The following CLMP variants were observed in gnomAD, a reference collection of about 807,000 sequenced individuals.
CLMP encodes CXADR-like membrane protein.
In CLMP, 27 loss-of-function variants were observed where a neutral mutation model predicts 45.2. That is an observed-to-expected ratio of 0.60 (90% CI 0.44 to 0.82). CLMP has a LOEUF of 0.82. Among genes scored for constraint, CLMP ranks in the 40% least tolerant of loss-of-function variants. The pLI is 0.00. For synonymous variants in CLMP, 167 were observed against 171.4 expected, an observed-to-expected ratio of 0.97 and a Z score of 0.20; for missense variants, 403 against 448.4, an observed-to-expected ratio of 0.90 and a Z score of 0.91.
intron 2 of CLMP, among the ~76,000 whole-genome samples, chr11:123,089,876 G>A (rs997110724): frequency 6.6e-6 from 1 of 151,740 alleles, no homozygotes; most frequent in Non-Finnish European, 1.5e-5. Flanking sequence ...AAGGCGGGCA[G>A]ATCACCCGAG....
chr11:123,107,217 T>G (rs945689523), intron 1 of CLMP, among the ~76,000 whole-genome samples: 1 of 149,642 alleles, frequency 6.7e-6, no homozygotes, highest in African/African-American at 2.5e-5. Context: ...TTCACCACCA[T>G]GCCTGGCTAA....
At chr11:123,081,022 TGTA>T (rs1865797997) in intron 5 of CLMP, among the ~76,000 whole-genome samples, 1 of 151,914 alleles carries the variant, frequency 6.6e-6, no homozygotes, top group Non-Finnish European at 1.5e-5. Context: ...GGCACACACC[TGTA>T]GTCCCAGCTA....
At chr11:123,083,427 T>C (rs1356820634) in intron 4 of CLMP, among the ~76,000 whole-genome samples, 1 of 152,210 alleles carries the variant, frequency 6.6e-6, no homozygotes, top group Admixed American at 6.5e-5. Flanking sequence ...ATTTAAGGGA[T>C]ACTAAACATA....
At chr11:123,189,091 T>C (rs1218962739) in intron 1 of CLMP, among the ~76,000 whole-genome samples, 1 of 152,220 alleles carries the variant, frequency 6.6e-6, no homozygotes, top group Non-Finnish European at 1.5e-5. Context: ...CCATACATGA[T>C]GTGTGTAGAA....
At position 123,150,520 on chromosome 11, in the gene CLMP, G is replaced by GC. The variant is rs879753741; in HGVS notation, c.28+44392_28+44393insG. Among the ~76,000 whole-genome samples the GC allele has an allele frequency of 1.3e-3, 162 of 128,690 alleles. 1 individual carries two copies. The highest frequency in any genetic ancestry group is 7.9e-3 in the South Asian group (26 of 3,276). The allele number at this position is 128,690 out of a possible 152,430, so 84.4% of individuals were successfully genotyped here. On this transcript the variant is annotated intron_variant, in intron 1 of 6. Transcript: ENST00000448775. Reference sequence around the variant, plus strand: ...GGAAGGAAGGAAGGAAGGAAGGAAGGAAGGAAGGAAAGAAACAAGCAAGGA... The same window carrying GC: ...GGAAGGAAGGAAGGAAGGAAGGAAGGCAAGGAAGGAAAGAAACAAGCAAGGA...
intron 1 of CLMP, among the ~76,000 whole-genome samples, chr11:123,115,233 A>G (rs1330088629): frequency 6.6e-6 from 1 of 151,520 alleles, no homozygotes; most frequent in East Asian, 1.9e-4. Context: ...TTTTTGGTAG[A>G]GACAAGGTCT....
intron 1 of CLMP, among the ~76,000 whole-genome samples, chr11:123,150,484 G>GAAAGAAA (rs1565397469): frequency 2.6e-3 from 85 of 33,124 alleles, no homozygotes; most frequent in Middle Eastern, 0.019. Flanking sequence ...AGAAAGAAAG[G>GAAAGAAA]AAGGAAGGAA....
At chr11:123,116,667 T>G (rs958355526) in intron 1 of CLMP, among the ~76,000 whole-genome samples, 1 of 152,222 alleles carries the variant, frequency 6.6e-6, no homozygotes, top group Non-Finnish European at 1.5e-5. Flanking sequence ...GAATTAAAAA[T>G]GCTTTCACAA....
chr11:123,150,343 G>C (rs559875622), intron 1 of CLMP, among the ~76,000 whole-genome samples: 1 of 149,954 alleles, frequency 6.7e-6, no homozygotes, highest in Admixed American at 6.8e-5. Context: ...TCCATGGTCA[G>C]AAAGGTGTGG....
rs112538727 is a variant in CLMP, at chr11:123,194,011, C to T, written c.28+902G>A. Among the ~76,000 whole-genome samples, 272 of 152,218 alleles carry T rather than the reference C, an allele frequency of 1.8e-3. 2 individuals carry two copies. Among genetic ancestry groups the T allele is most frequent in the African/African-American group, 5.1e-3 (212 of 41,528 alleles). ...TGCTTCAGGGTGCATAGTGACGTGC[C>T]CTTGGCTCTCCCTGACTGCCTTTCC... On this transcript the variant is annotated intron_variant, in intron 1 of 6. Transcript: ENST00000448775.
chr11:123,118,955 T>C (rs1401523389), intron 1 of CLMP, among the ~76,000 whole-genome samples: 7 of 32,704 alleles, frequency 2.1e-4, no homozygotes, highest in Admixed American at 8.6e-4. Context: ...CTTTCTTTCT[T>C]TCTTTCTTTC....
chr11:123,117,655 A>T (rs894867636), intron 1 of CLMP, among the ~76,000 whole-genome samples: 1 of 151,822 alleles, frequency 6.6e-6, no homozygotes, highest in Non-Finnish European at 1.5e-5. Context: ...TCGAACTCCT[A>T]ACCTCAGGTG....
chr11:123,161,037 C>A (rs1004105765), intron 1 of CLMP, among the ~76,000 whole-genome samples: 1 of 151,256 alleles, frequency 6.6e-6, no homozygotes, highest in African/African-American at 2.4e-5. Context: ...TTGAAACAGG[C>A]AGCATTAGAT....
intron 2 of CLMP, among the ~76,000 whole-genome samples, chr11:123,085,893 C>T (rs76561142): frequency 0.14 from 21,788 of 151,324 alleles, 1,606 homozygotes; most frequent in African/African-American, 0.16. Flanking sequence ...TCTTCTGCCT[C>T]AGTCTCCTGA....
At chr11:123,095,696 G>A (rs1337123464) in intron 2 of CLMP, among the ~76,000 whole-genome samples, 1 of 152,158 alleles carries the variant, frequency 6.6e-6, no homozygotes, top group Non-Finnish European at 1.5e-5. Flanking sequence ...TACAACCAAG[G>A]AGCAGGGTGA....
chr11:123,120,156 C>G (rs1236168546), intron 1 of CLMP, among the ~76,000 whole-genome samples: 3 of 152,118 alleles, frequency 2.0e-5, no homozygotes, highest in Non-Finnish European at 4.4e-5. Context: ...TTCAGTGACT[C>G]AAGCCTCTAA....
chr11:123,137,156 T>G (rs974324049), intron 1 of CLMP, among the ~76,000 whole-genome samples: 1 of 132,364 alleles, frequency 7.6e-6, no homozygotes, highest in African/African-American at 2.9e-5. Flanking sequence ...TCTTTTTTTT[T>G]TTTTTTTTTT....
chr11:123,075,924 G>C (rs1345875858), intron 5 of CLMP, among the ~76,000 whole-genome samples: 3 of 152,154 alleles, frequency 2.0e-5, no homozygotes, highest in Non-Finnish European at 4.4e-5. Flanking sequence ...TGTAATCCCA[G>C]CACTTTGGGA....
chr11:123,138,605 C>T (rs1861110441), intron 1 of CLMP, among the ~76,000 whole-genome samples: 2 of 134,476 alleles, frequency 1.5e-5, no homozygotes, highest in African/African-American at 5.4e-5. Context: ...GCCCCCCACC[C>T]CCCTCCCCCT....
Sources: allele counts gnomAD v4.1 joint callset (sites outside exome capture counted in the v4.1 genomes callset), GRCh38; gene constraint gnomAD v4.1.1; transcripts MANE v1.5; gene names NCBI Gene and HGNC (gene_info 2026-07-23, HGNC 2026-07-21).